The following TAF12 variants were observed in gnomAD, a reference collection of about 807,000 sequenced individuals.
The protein encoded by TAF12 is transcription initiation factor TFIID subunit 12.
In TAF12, 3 loss-of-function variants were observed where a neutral mutation model predicts 20.8. The observed-to-expected ratio is 0.14, with a 90% CI of 0.07 to 0.37. TAF12 has a LOEUF of 0.37. Among genes scored for constraint, TAF12 ranks in the 10% least tolerant of loss-of-function variants. The pLI is 1.00. For missense variants in TAF12, 131 were observed against 197.9 expected, an observed-to-expected ratio of 0.66 and a Z score of 2.03; for synonymous variants, 69 against 70.2, an observed-to-expected ratio of 0.98 and a Z score of 0.09.
intron 1 of TAF12, among the ~76,000 whole-genome samples, chr1:28,637,697 T>C (rs1484673716): frequency 1.3e-5 from 2 of 152,046 alleles, no homozygotes; most frequent in Non-Finnish European, 2.9e-5. Flanking sequence ...TTATTTTTGC[T>C]CTCTTTACCC....
intron 1 of TAF12, among the ~76,000 whole-genome samples, chr1:28,630,657 T>C (rs987080954): frequency 1.3e-5 from 2 of 152,154 alleles, no homozygotes; most frequent in Non-Finnish European, 2.9e-5. Flanking sequence ...TCAGAGTTCT[T>C]AGATACAATA....
intron 1 of TAF12, among the ~76,000 whole-genome samples, chr1:28,639,957 C>T (rs760043648): frequency 1.3e-5 from 2 of 152,116 alleles, no homozygotes; most frequent in Non-Finnish European, 2.9e-5. Flanking sequence ...TCTCTCCCAC[C>T]TCAGCCTCCA....
At chr1:28,643,659 C>G (rs1668114146), upstream of TAF12, 1 of 152,196 alleles carries the variant, frequency 6.6e-6, no homozygotes. Flanking sequence ...AAAGTTCTAG[C>G]TAATAAGTGC....
chr1:28,630,152 C>A (rs1325046225), intron 1 of TAF12, among the ~76,000 whole-genome samples: 1 of 152,078 alleles, frequency 6.6e-6, no homozygotes, highest in East Asian at 1.9e-4. Context: ...CACCATGTTG[C>A]CCAGGCTGCT....
At chr1:28,633,776 G>T (rs1667721645) in intron 1 of TAF12, among the ~76,000 whole-genome samples, 1 of 151,920 alleles carries the variant, frequency 6.6e-6, no homozygotes, top group Non-Finnish European at 1.5e-5. Context: ...GCTGGGCATG[G>T]TGGTGCATGC....
At chr1:28,631,476 G>A (rs1024254282) in intron 1 of TAF12, among the ~76,000 whole-genome samples, 3 of 151,926 alleles carry the variant, frequency 2.0e-5, no homozygotes, top group African/African-American at 7.3e-5. Flanking sequence ...AGTGAGCTGA[G>A]ATTGCACCAC....
chr1:28,635,366 C>T (rs757728436), intron 1 of TAF12, among the ~76,000 whole-genome samples: 21 of 130,114 alleles, frequency 1.6e-4, no homozygotes, highest in Non-Finnish European at 3.1e-4. Flanking sequence ...AGTGCAGTGG[C>T]GCAATCTTGG....
At chr1:28,630,014 A>G (rs1373488738) in intron 1 of TAF12, among the ~76,000 whole-genome samples, 1 of 152,172 alleles carries the variant, frequency 6.6e-6, no homozygotes, top group Non-Finnish European at 1.5e-5. Context: ...ATCAGAGCTC[A>G]CTACAGCCTC....
rs150295939 is a variant in TAF12 at position 28,607,862 on chromosome 1, C to A, written c.362-2402G>T. ...TCAAAAGAAAACAAAAAGGGCCAGG[C>A]ACGATGATTCACACCTGTAATCCCA... On this transcript the variant is annotated intron_variant, in intron 4 of 5. Coordinates refer to ENST00000373824, the MANE Select transcript of TAF12 (RefSeq NM_005644.4). 4.3e-4 allele frequency among the ~76,000 whole-genome samples: 65 copies of A among 151,660 alleles called. No homozygotes were observed. The East Asian group carries it at 0.012, about 29-fold the overall frequency.
chr1:28,629,343 T>C (rs929799408), intron 1 of TAF12, among the ~76,000 whole-genome samples: 4 of 152,150 alleles, frequency 2.6e-5, no homozygotes, highest in Non-Finnish European at 5.9e-5. Flanking sequence ...TTCTTCCTGT[T>C]TTTTGTTTCT....
At chr1:28,638,292 G>A (rs975900558) in intron 1 of TAF12, among the ~76,000 whole-genome samples, 1 of 151,128 alleles carries the variant, frequency 6.6e-6, no homozygotes, top group African/African-American at 2.4e-5. Context: ...CAGGTTCAAA[G>A]GATTCTCCTG....
Position 28,603,514 on chromosome 1 carries a change from G to C in TAF12, c.*25C>G. The C allele has an allele frequency of 6.2e-7, 1 of 1,613,164 alleles. No homozygotes were observed. The highest frequency in any genetic ancestry group is 2.2e-5 in the East Asian group (1 of 44,872). ...CTCAAGTATCTCCAAATACATTGCTGTCCATTCCCTGACCTTTCCGTGTGT... is the reference window on the plus strand; with the variant it reads ...CTCAAGTATCTCCAAATACATTGCTCTCCATTCCCTGACCTTTCCGTGTGT... On this transcript the variant is annotated 3_prime_UTR_variant, in exon 6 of 6. Coordinates refer to ENST00000373824, the MANE Select transcript of TAF12 (RefSeq NM_005644.4).
chr1:28,627,378 A>G (rs1342976637), intron 1 of TAF12, among the ~76,000 whole-genome samples: 2 of 123,614 alleles, frequency 1.6e-5, no homozygotes, highest in Non-Finnish European at 3.2e-5. Flanking sequence ...ACAGAGTGAG[A>G]CTCCGTCTCA....
At chr1:28,631,557 T>C (rs375092019) in intron 1 of TAF12, among the ~76,000 whole-genome samples, 74 of 152,150 alleles carry the variant, frequency 4.9e-4, no homozygotes, top group African/African-American at 1.7e-3. Context: ...AGACTGGGCA[T>C]GATGGCTCAT....
chr1:28,622,184 A>G lies in TAF12; in HGVS notation c.-84-19T>C. The G allele has an allele frequency of 6.7e-7, 1 of 1,491,750 alleles. No individual in the cohort carries two copies. The highest frequency in any genetic ancestry group is 8.9e-7 in the Non-Finnish European group (1 of 1,125,954). The allele number at this position is 1,491,750 out of a possible 1,614,324, so 92.4% of individuals were successfully genotyped here. A position where few individuals can be genotyped will look rare whatever the true frequency, so the allele number is the denominator to read the frequency against. On this transcript the variant is annotated intron_variant, in intron 1 of 5. Coordinates refer to ENST00000373824, the MANE Select transcript of TAF12 (RefSeq NM_005644.4). ...CAATTAACTGGAGAAGAAAAGCACA[A>G]GAATTAGCTCTAGAAGAACCTGTAA...
chr1:28,604,157 G>C (rs189582075), intron 5 of TAF12, among the ~76,000 whole-genome samples: 1 of 152,018 alleles, frequency 6.6e-6, no homozygotes, highest in African/African-American at 2.4e-5. Context: ...CACCAGGCTC[G>C]GCCTCCCAAA....
intron 1 of TAF12, among the ~76,000 whole-genome samples, chr1:28,641,794 A>AT (rs1491353131): frequency 9.4e-4 from 39 of 41,288 alleles, no homozygotes; most frequent in African/African-American, 5.9e-3. Flanking sequence ...AACCTGTCTC[A>AT]AAAAAAAAAA....
Position 28,641,138 on chromosome 1 carries a change from TAAC to T in TAF12, c.-85+1851_-85+1853del, listed in dbSNP as rs527671361. 3.4e-3 allele frequency among the ~76,000 whole-genome samples: 511 copies of T among 152,110 alleles called. 2 individuals are homozygous for T. Among genetic ancestry groups the T allele is most frequent in the African/African-American group, 0.012 (488 of 41,466 alleles). ...ATTTACTGTATTAATGTCAATACAGTAACAACACTCAAATTATCAGAAACTGTA... is the reference window on the plus strand; with the variant it reads ...ATTTACTGTATTAATGTCAATACAGTAACACTCAAATTATCAGAAACTGTA... On this transcript the variant is annotated intron_variant, in intron 1 of 5. Transcript: ENST00000373824.
At chr1:28,615,444 C>T (rs188776124) in intron 3 of TAF12, among the ~76,000 whole-genome samples, 43 of 151,604 alleles carry the variant, frequency 2.8e-4, no homozygotes, top group Middle Eastern at 6.8e-3. Context: ...TTTGGGAGGC[C>T]GAAGTGGGTG....
Sources: gnomAD v4.1 joint callset for allele counts (sites outside exome capture counted in the v4.1 genomes callset) on GRCh38, gnomAD v4.1.1 for gene constraint, MANE v1.5 for transcripts, NCBI Gene and HGNC (gene_info 2026-07-23, HGNC 2026-07-21) for gene names.